The following SPATA6 variants were observed in gnomAD, a reference collection of about 807,000 sequenced individuals.
SPATA6 encodes spermatogenesis-associated protein 6.
Under a neutral mutation model 65.3 loss-of-function variants are expected in SPATA6, and 56 were observed. That is an observed-to-expected ratio of 0.86 (90% confidence interval 0.69 to 1.07). The LOEUF (loss-of-function observed/expected upper bound fraction) is 1.07, where lower values mean the gene tolerates loss of function less well. Ranked by LOEUF, SPATA6 falls within the 50% of genes least tolerant of loss-of-function variation. The pLI, the probability that SPATA6 is intolerant of heterozygous loss-of-function variation, is 0.00. For synonymous variants in SPATA6, 199 were observed against 213.2 expected (o/e 0.93, Z 0.58); for missense variants, 590 against 594.8 (o/e 0.99, Z 0.08).
intron 7 of SPATA6, among the ~76,000 whole-genome samples, chr1:48,396,385 T>C (rs1326107199): frequency 2.6e-5 from 4 of 151,730 alleles, no homozygotes; most frequent in Non-Finnish European, 4.4e-5. Flanking sequence ...TCTAGGTATA[T>C]ACCCAAAAGA....
At chr1:48,411,417 C>A (rs748579911) in intron 5 of SPATA6, 47 bp downstream of exon 5, 1 of 1,564,376 alleles carries the variant, frequency 6.4e-7, no homozygotes, top group Admixed American at 1.8e-5. Flanking sequence ...TGGTTTCTGA[C>A]AATGATTTTC....
At chr1:48,332,711 C>T (rs113566196) in intron 11 of SPATA6, among the ~76,000 whole-genome samples, 10 of 152,304 alleles carry the variant, frequency 6.6e-5, no homozygotes, top group African/African-American at 2.4e-4. Flanking sequence ...GAACTCAACA[C>T]TTGACGAAAT....
At chr1:48,342,205 A>T (rs1395259696) in intron 11 of SPATA6, among the ~76,000 whole-genome samples, 1 of 152,198 alleles carries the variant, frequency 6.6e-6, no homozygotes, top group African/African-American at 2.4e-5. Flanking sequence ...ACATGTATAC[A>T]AATGAGTATA....
intron 5 of SPATA6, among the ~76,000 whole-genome samples, chr1:48,410,296 A>C (rs1002552819): frequency 6.6e-6 from 1 of 152,172 alleles, no homozygotes; most frequent in Non-Finnish European, 1.5e-5. Flanking sequence ...GTTCCCAACA[A>C]ATTTCTCATC....
At position 48,345,660 on chromosome 1, in the gene SPATA6, T is replaced by C. The variant is rs186748515; in HGVS notation, c.1194+10010A>G. Among the ~76,000 whole-genome samples the C allele has an allele frequency of 3.3e-5, 5 of 152,052 alleles. No homozygotes were observed. The East Asian group carries it at 9.7e-4, about 29-fold the overall frequency. Reference sequence around the variant, plus strand: ...CAATCCTAGAAACAACAAGGGGATATTACCACTGACCCCACAGAAATGAAA... The same window carrying C: ...CAATCCTAGAAACAACAAGGGGATACTACCACTGACCCCACAGAAATGAAA... On this transcript the variant is annotated intron_variant, in intron 11 of 12. Transcript: ENST00000371847.
intron 11 of SPATA6, among the ~76,000 whole-genome samples, chr1:48,335,141 A>G (rs1646025136): frequency 6.6e-6 from 1 of 152,190 alleles, no homozygotes; most frequent in African/African-American, 2.4e-5. Flanking sequence ...GATGACACCA[A>G]AAAATGGAAG....
At chr1:48,315,797 T>A (rs1486411531) in intron 11 of SPATA6, among the ~76,000 whole-genome samples, 1 of 152,134 alleles carries the variant, frequency 6.6e-6, no homozygotes, top group Non-Finnish European at 1.5e-5. Flanking sequence ...AACCCCATCA[T>A]CTCAGCCCAA....
intron 3 of SPATA6, chr1:48,436,519 A>G (rs1182657637): frequency 2.5e-6 from 4 of 1,611,994 alleles, no homozygotes; most frequent in Non-Finnish European, 3.4e-6. Context: ...TCACAGGAGT[A>G]TTAAAGCCAG....
intron 3 of SPATA6, among the ~76,000 whole-genome samples, chr1:48,424,472 T>C (rs1653652751): frequency 6.6e-6 from 1 of 151,438 alleles, no homozygotes; most frequent in African/African-American, 2.4e-5. Context: ...CTCTTTGACA[T>C]ACTGTTAGCC....
Position 48,297,125 on chromosome 1 carries a change from G to GGTGTGTGTGTGTGTGTGTGTGTGTGT in SPATA6, c.*1562_*1587dup, listed in dbSNP as rs34890514. The GGTGTGTGTGTGTGTGTGTGTGTGTGT allele has an allele frequency of 6.9e-6, 1 of 144,582 alleles. No homozygotes were observed. 9.0% of individuals were successfully genotyped at this position (144,582 alleles called of 1,614,324 possible). On this transcript the variant is annotated 3_prime_UTR_variant, in exon 13 of 13. Transcript: ENST00000371847. ...TAATCCTACATATGACTCTCTAAGA[G>GGTGTGTGTGTGTGTGTGTGTGTGTGT]GTGTGTGTGTGTGTGTGTGTGTGTG...
intron 6 of SPATA6, among the ~76,000 whole-genome samples, chr1:48,402,252 A>C (rs1221776997): frequency 6.6e-6 from 1 of 152,168 alleles, no homozygotes; most frequent in Admixed American, 6.6e-5. Context: ...ATGGTTTTAC[A>C]TTTAGAAATG....
At position 48,453,038 on chromosome 1, in the gene SPATA6, C is replaced by CA; in HGVS notation, c.144_145insT (p.Ala49CysfsTer14). On this transcript the variant is annotated frameshift_variant, in exon 2 of 13. Coordinates refer to ENST00000371847, the MANE Select transcript of SPATA6 (RefSeq NM_019073.4). LOFTEE classifies it high-confidence loss of function. Reference sequence around the variant, plus strand: ...GCATTGAAGACCAGGGGAAAAGTGGCTGGGACACATTGTGTCTTTTTGTAT... The same window carrying CA: ...GCATTGAAGACCAGGGGAAAAGTGGCATGGGACACATTGTGTCTTTTTGTAT... 2 of 1,613,958 alleles carry CA rather than the reference C, an allele frequency of 1.2e-6. No homozygotes were observed.
intron 3 of SPATA6, among the ~76,000 whole-genome samples, chr1:48,448,595 G>A (rs1341304236): frequency 1.3e-5 from 2 of 151,970 alleles, no homozygotes; most frequent in Non-Finnish European, 2.9e-5. Flanking sequence ...TACCAACATG[G>A]TTCATAATTG....
intron 2 of SPATA6, among the ~76,000 whole-genome samples, chr1:48,452,705 G>T (rs1656688212): frequency 1.3e-5 from 2 of 152,114 alleles, no homozygotes; most frequent in Non-Finnish European, 2.9e-5. Context: ...ATCTATTAAT[G>T]ACTTTGCTCT....
intron 1 of SPATA6, among the ~76,000 whole-genome samples, chr1:48,469,472 T>TTATATATATA (rs59371419): frequency 2.8e-5 from 4 of 144,446 alleles, no homozygotes; most frequent in African/African-American, 7.6e-5. Flanking sequence ...AAATATCTAT[T>TTATATATATA]TATATATATA....
chr1:48,454,436 A>G (rs1420981041), intron 1 of SPATA6, among the ~76,000 whole-genome samples: 1 of 152,170 alleles, frequency 6.6e-6, no homozygotes. Context: ...CAAGACATAC[A>G]TCAATGAACA....
chr1:48,295,564 C>T lies in SPATA6; in HGVS notation c.*3149G>A, dbSNP rs542429816. On this transcript the variant is annotated 3_prime_UTR_variant, in exon 13 of 13. Transcript: ENST00000371847. ...GAGACAAAAAGCATATAGTGGTTTC[C>T]AGGAGTTGTGGGGAGGAGGTAGTGG... 3.3e-5 allele frequency: 5 copies of T among 152,046 alleles called. No homozygotes were observed. The highest frequency in any genetic ancestry group is 6.6e-5 in the Admixed American group (1 of 15,266). 9.4% of individuals were successfully genotyped at this position (152,046 alleles called of 1,614,324 possible). A position where few individuals can be genotyped will look rare whatever the true frequency, so the allele number is the denominator to read the frequency against.
At chr1:48,422,431 A>G (rs1358030953) in intron 3 of SPATA6, among the ~76,000 whole-genome samples, 2 of 152,194 alleles carry the variant, frequency 1.3e-5, no homozygotes, top group Non-Finnish European at 1.5e-5. Context: ...CTCACAGACT[A>G]GAAGCAGAAT....
intron 11 of SPATA6, among the ~76,000 whole-genome samples, chr1:48,337,320 T>C (rs1403541681): frequency 2.6e-5 from 4 of 151,800 alleles, no homozygotes; most frequent in Admixed American, 2.0e-4. Context: ...GAATAAAACC[T>C]TATATTTGTA....
Sources: gnomAD v4.1 joint callset for allele counts (sites outside exome capture counted in the v4.1 genomes callset) on GRCh38, gnomAD v4.1.1 for gene constraint, MANE v1.5 for transcripts, NCBI Gene and HGNC (gene_info 2026-07-23, HGNC 2026-07-21) for gene names.